Variants in PODXL observed in about 807,000 individuals in gnomAD.
PODXL encodes podocalyxin like.
Under a neutral mutation model 48.9 loss-of-function variants are expected in PODXL, and 20 were observed. The ratio of observed to expected loss-of-function variants is 0.41; its 90% CI spans 0.29 to 0.59. PODXL has a LOEUF of 0.59. PODXL is among the 20% of genes least tolerant of loss of function. The probability of loss-of-function intolerance (pLI) is 0.31; values close to 1 mark genes in which losing one functional copy is unlikely to be tolerated. For synonymous variants in PODXL, 295 were observed against 287.4 expected, an observed-to-expected ratio of 1.03 and a Z score of -0.27; for missense variants, 606 against 675.1, an observed-to-expected ratio of 0.90 and a Z score of 1.13.
intron 1 of PODXL, among the ~76,000 whole-genome samples, chr7:131,524,254 G>A (rs76510113): frequency 0.02 from 3,109 of 152,080 alleles, 230 homozygotes; most frequent in Admixed American, 0.14. Context: ...GAGATTGAAT[G>A]CTTTGCTGTG....
chr7:131,538,605 G>A (rs945406470), intron 1 of PODXL, among the ~76,000 whole-genome samples: 4 of 152,126 alleles, frequency 2.6e-5, no homozygotes, highest in Admixed American at 6.5e-5. Flanking sequence ...AAGGCAGAGA[G>A]GTAACAGGAG....
chr7:131,512,162 C>T (rs757865091), intron 1 of PODXL, among the ~76,000 whole-genome samples: 11 of 152,110 alleles, frequency 7.2e-5, no homozygotes, highest in Non-Finnish European at 1.2e-4. Context: ...AAAGAAAGGC[C>T]GAGTGCCCGG....
chr7:131,536,320 G>A (rs1423444969), intron 1 of PODXL, among the ~76,000 whole-genome samples: 3 of 152,202 alleles, frequency 2.0e-5, no homozygotes, highest in African/African-American at 4.8e-5. Context: ...ATGGCATGAC[G>A]GGTCCTTGGA....
chr7:131,518,322 A>G (rs1375586916), intron 1 of PODXL, among the ~76,000 whole-genome samples: 2 of 152,218 alleles, frequency 1.3e-5, no homozygotes, highest in Non-Finnish European at 2.9e-5. Flanking sequence ...TAATGTATTA[A>G]AAAGATAATG....
At chr7:131,506,776 TA>T in intron 5 of PODXL, 50 bp from the exon 6 acceptor site, 1 of 1,564,242 alleles carries the variant, frequency 6.4e-7, no homozygotes, top group Non-Finnish European at 8.6e-7. Context: ...GACAGCAGCC[TA>T]GGCCTGTGGG....
intron 1 of PODXL, among the ~76,000 whole-genome samples, chr7:131,522,082 A>T (rs914758918): frequency 1.3e-5 from 2 of 152,258 alleles, no homozygotes; most frequent in Admixed American, 6.5e-5. Context: ...CCAGGGCCTG[A>T]GTGAGACTTA....
chr7:131,513,825 A>G (rs1050957810), intron 1 of PODXL, among the ~76,000 whole-genome samples: 5 of 152,194 alleles, frequency 3.3e-5, no homozygotes, highest in Non-Finnish European at 7.3e-5. Context: ...TACTCCATAC[A>G]CTGGACAGTA....
chr7:131,549,534 T>C (rs1247844014), intron 1 of PODXL, among the ~76,000 whole-genome samples: 1 of 152,126 alleles, frequency 6.6e-6, no homozygotes, highest in Non-Finnish European at 1.5e-5. Flanking sequence ...TGTTCAAAAA[T>C]TACAGAGTGC....
intron 5 of PODXL, chr7:131,506,993 T>G: frequency 2.2e-6 from 1 of 453,170 alleles, no homozygotes; most frequent in Non-Finnish European, 4.0e-6. Flanking sequence ...GCACCTTTCA[T>G]TCCTTTCACC....
intron 1 of PODXL, among the ~76,000 whole-genome samples, chr7:131,553,300 G>T (rs1240482084): frequency 6.6e-6 from 1 of 152,112 alleles, no homozygotes; most frequent in Non-Finnish European, 1.5e-5. Context: ...GCTTTCTCCA[G>T]ACCTCCAGAC....
intron 6 of PODXL, 72 bp from the exon 7 acceptor site, chr7:131,506,393 A>C: frequency 3.3e-6 from 5 of 1,517,250 alleles, no homozygotes; most frequent in Admixed American, 1.7e-5. Context: ...ACTGCGCCCC[A>C]AGAGAGGGAC....
chr7:131,556,019 C>A (rs1798735599), intron 1 of PODXL, among the ~76,000 whole-genome samples: 1 of 152,274 alleles, frequency 6.6e-6, no homozygotes, highest in South Asian at 2.1e-4. Flanking sequence ...GCAGAATCCA[C>A]CGCCCACTCC....
At chr7:131,538,189 G>A (rs946516258) in intron 1 of PODXL, among the ~76,000 whole-genome samples, 1 of 151,970 alleles carries the variant, frequency 6.6e-6, no homozygotes, top group Non-Finnish European at 1.5e-5. Flanking sequence ...TTGGGAGGAT[G>A]ACCCCCCTAC....
At position 131,510,961 on chromosome 7, in the gene PODXL, T is replaced by C. The variant is rs1194813579; in HGVS notation, c.573A>G (p.Gln191=). The C allele has an allele frequency of 1.2e-6, 2 of 1,614,054 alleles. No homozygotes were observed. Among genetic ancestry groups the C allele is most frequent in the South Asian group, 1.1e-5 (1 of 91,080 alleles). ...TGGCCACAGGATGCGTCGAAGTGGG[T>C]TGTCGGGGGCTAAGTGGACTTGTAG... ...PHPTSPLSPR[Q]PTSTHPVATP... Residue 191 remains glutamine (Q), a synonymous_variant, in exon 2 of 9, where the codon CAA becomes CAG. Transcript: ENST00000378555.
At chr7:131,531,760 C>G (rs562212865) in intron 1 of PODXL, among the ~76,000 whole-genome samples, 1 of 152,278 alleles carries the variant, frequency 6.6e-6, no homozygotes, top group South Asian at 2.1e-4. Context: ...CCAGCATGCT[C>G]TCATCTTGAG....
chr7:131,514,868 CAAAGT>C (rs1423733195), intron 1 of PODXL, among the ~76,000 whole-genome samples: 1 of 152,152 alleles, frequency 6.6e-6, no homozygotes, highest in Non-Finnish European at 1.5e-5. Flanking sequence ...CTCGGCCTCC[CAAAGT>C]GCTGGGATTA....
chr7:131,503,936 A>G lies in PODXL; in HGVS notation c.*375T>C. On this transcript the variant is annotated 3_prime_UTR_variant, in exon 9 of 9. Transcript: ENST00000378555. ...TGGTGCAAATGGAATCTTTGTTCTC[A>G]TCCTGGCTCTGTCACCAAGTGGCTC... The G allele has an allele frequency of 3.4e-6, 1 of 294,254 alleles. No individual in the cohort carries two copies. The highest frequency in any genetic ancestry group is 3.6e-5 in the South Asian group (1 of 27,956). The allele number at this position is 294,254 out of a possible 1,614,324, so 18.2% of individuals were successfully genotyped here. A position where few individuals can be genotyped will look rare whatever the true frequency, so the allele number is the denominator to read the frequency against.
chr7:131,506,542 G>T, intron 6 of PODXL, 37 bp downstream of exon 6: 1 of 1,605,090 alleles, frequency 6.2e-7, no homozygotes, highest in Non-Finnish European at 8.5e-7. Context: ...TCCCACCCAT[G>T]CAGGCCCCAG....
intron 1 of PODXL, among the ~76,000 whole-genome samples, chr7:131,521,172 A>AG (rs1377248853): frequency 6.6e-6 from 1 of 151,076 alleles, no homozygotes; most frequent in African/African-American, 2.4e-5. Context: ...AAAAAAAAAA[A>AG]GCTGAGAAGC....
Sources: gnomAD v4.1 joint callset for allele counts (sites outside exome capture counted in the v4.1 genomes callset) on GRCh38, gnomAD v4.1.1 for gene constraint, MANE v1.5 for transcripts, NCBI Gene and HGNC (gene_info 2026-07-23, HGNC 2026-07-21) for gene names.